The following CSDE1 variants were observed in gnomAD, a reference collection of about 807,000 sequenced individuals.
CSDE1 encodes cold shock domain-containing protein E1.
A neutral mutation model predicts 89.3 loss-of-function variants in CSDE1; 17 were observed. The ratio of observed to expected loss-of-function variants is 0.19; its 90% CI spans 0.13 to 0.29. The LOEUF is 0.29. CSDE1 is among the 10% of genes least tolerant of loss of function. CSDE1 has a pLI of 1.00. For synonymous variants in CSDE1, 322 were observed against 332.8 expected, an observed-to-expected ratio of 0.97 and a Z score of 0.35; for missense variants, 672 against 984.2, an observed-to-expected ratio of 0.68 and a Z score of 4.24.
intron 13 of CSDE1, among the ~76,000 whole-genome samples, 179 bp from the exon 14 acceptor site, chr1:114,726,565 G>C (rs1005982685): frequency 1.3e-5 from 2 of 152,120 alleles, no homozygotes; most frequent in African/African-American, 4.8e-5. Flanking sequence ...TTTTCACAAA[G>C]GATCAAACTT....
At chr1:114,754,044 ATAG>A (rs1452978902) in intron 1 of CSDE1, among the ~76,000 whole-genome samples, 1 of 152,222 alleles carries the variant, frequency 6.6e-6, no homozygotes, top group Non-Finnish European at 1.5e-5. Flanking sequence ...CAGCATGGAA[ATAG>A]TATTATTACT....
At chr1:114,723,750 G>T in intron 16 of CSDE1, 133 bp downstream of exon 16, 1 of 1,246,352 alleles carries the variant, frequency 8.0e-7, no homozygotes, top group Non-Finnish European at 1.1e-6. Flanking sequence ...AAGCAAGCAT[G>T]AGAGAGGTCA....
At chr1:114,721,553 A>C (rs1659520784) in intron 16 of CSDE1, among the ~76,000 whole-genome samples, 1 of 152,206 alleles carries the variant, frequency 6.6e-6, no homozygotes. Flanking sequence ...AGAAGCTTCT[A>C]ACCATCCTCT....
At chr1:114,719,317 C>T (rs1230479707) in intron 18 of CSDE1, among the ~76,000 whole-genome samples, 3 of 152,128 alleles carry the variant, frequency 2.0e-5, no homozygotes, top group African/African-American at 7.2e-5. Flanking sequence ...AGCAAAGCGG[C>T]ATTATGAATC....
intron 5 of CSDE1, 89 bp from the exon 6 acceptor site, chr1:114,736,944 G>T: frequency 2.1e-6 from 2 of 955,008 alleles, no homozygotes; most frequent in Non-Finnish European, 3.2e-6. Flanking sequence ...CTCTTATACT[G>T]GCATTTTAAG....
chr1:114,729,397 C>A (rs920323781), intron 12 of CSDE1, among the ~76,000 whole-genome samples: 9 of 151,454 alleles, frequency 5.9e-5, no homozygotes, highest in African/African-American at 2.2e-4. Flanking sequence ...CCGCACCTGA[C>A]AATAAGGTCT....
At chr1:114,733,400 C>T (rs894883730) in intron 9 of CSDE1, among the ~76,000 whole-genome samples, 48 of 151,916 alleles carry the variant, frequency 3.2e-4, no homozygotes, top group Non-Finnish European at 7.4e-5. Flanking sequence ...GTGGCATGCC[C>T]TTGTAGTCCC....
intron 6 of CSDE1, among the ~76,000 whole-genome samples, chr1:114,735,143 TAG>T (rs1298040289): frequency 1.3e-5 from 2 of 152,206 alleles, no homozygotes; most frequent in African/African-American, 2.4e-5. Flanking sequence ...GGAAACAAGT[TAG>T]AGACACCACA....
intron 1 of CSDE1, among the ~76,000 whole-genome samples, chr1:114,754,558 G>A (rs544116260): frequency 5.0e-4 from 76 of 152,238 alleles, no homozygotes; most frequent in Non-Finnish European, 9.4e-4. Flanking sequence ...CTTTTAGGCA[G>A]GAAAAAACAA....
intron 16 of CSDE1, among the ~76,000 whole-genome samples, chr1:114,722,504 G>C (rs187463378): frequency 1.8e-4 from 27 of 152,312 alleles, no homozygotes; most frequent in African/African-American, 5.8e-4. Context: ...CTGAATAAAA[G>C]AGCTAGTTCT....
chr1:114,754,787 TAAC>T (rs1661503180), intron 1 of CSDE1, among the ~76,000 whole-genome samples: 1 of 152,240 alleles, frequency 6.6e-6, no homozygotes, highest in Non-Finnish European at 1.5e-5. Context: ...ATCTGTGTAG[TAAC>T]AACTGTGCTG....
chr1:114,720,236 G>T (rs1190483009), intron 17 of CSDE1: 3 of 268,856 alleles, frequency 1.1e-5, no homozygotes, highest in Non-Finnish European at 1.4e-5. Flanking sequence ...TGCAAAAGAA[G>T]CTCTAAGCAA....
intron 2 of CSDE1, among the ~76,000 whole-genome samples, chr1:114,743,469 A>G (rs188002110): frequency 5.3e-5 from 8 of 152,296 alleles, no homozygotes; most frequent in East Asian, 1.9e-4. Flanking sequence ...TCCCAAAGTG[A>G]TGGGATTACA....
chr1:114,734,285 A>G (rs1006912222), intron 7 of CSDE1, among the ~76,000 whole-genome samples, 157 bp downstream of exon 7: 5 of 152,198 alleles, frequency 3.3e-5, no homozygotes, highest in Non-Finnish European at 5.9e-5. Context: ...ATAATGTATT[A>G]GCAACCAAGG....
chr1:114,730,246 T>G lies in CSDE1; in HGVS notation c.1356+12A>C. 3.1e-6 allele frequency: 5 copies of G among 1,612,350 alleles called. No individual in the cohort carries two copies. Among genetic ancestry groups the G allele is most frequent in the Non-Finnish European group, 2.5e-6 (3 of 1,179,530 alleles). ...ACAGCTACAAAAATCATTTGGATTA[T>G]GCAAAACCTACCTTCTCTTTGCCTT... On this transcript the variant is annotated intron_variant, in intron 12 of 19. Coordinates refer to ENST00000358528, the MANE Select transcript of CSDE1 (RefSeq NM_001007553.3).
intron 16 of CSDE1, 59 bp downstream of exon 16, chr1:114,723,824 A>C (rs1274606869): frequency 6.2e-7 from 1 of 1,608,378 alleles, no homozygotes; most frequent in Non-Finnish European, 8.5e-7. Flanking sequence ...TTAAAACTTT[A>C]TAGGTGCTCA....
chr1:114,747,853 G>A lies in CSDE1; in HGVS notation c.-1+1968C>T, dbSNP rs1180169883. 2.6e-5 allele frequency among the ~76,000 whole-genome samples: 4 copies of A among 151,268 alleles called. No individual in the cohort carries two copies. In the East Asian group the frequency reaches 7.8e-4, roughly 29 times the overall value. On this transcript the variant is annotated intron_variant, in intron 2 of 19. Transcript: ENST00000358528. ...AGCCTTGGCGACAGAGCAAGACTCT[G>A]TCTCAGAGAGGAAAAAAAAAAAAAT...
chr1:114,757,582 C>T (rs189149307), intron 1 of CSDE1, among the ~76,000 whole-genome samples: 13 of 152,246 alleles, frequency 8.5e-5, no homozygotes, highest in African/African-American at 1.2e-4. Flanking sequence ...ATCCCAGCAG[C>T]CTCCGCGCCC....
chr1:114,729,030 T>C (rs1659955296), intron 12 of CSDE1, among the ~76,000 whole-genome samples: 1 of 152,196 alleles, frequency 6.6e-6, no homozygotes, highest in African/African-American at 2.4e-5. Flanking sequence ...ATTGCTGCCA[T>C]TACTCTCCCA....
Sources: allele counts gnomAD v4.1 joint callset (sites outside exome capture counted in the v4.1 genomes callset), GRCh38; gene constraint gnomAD v4.1.1; transcripts MANE v1.5; gene names NCBI Gene and HGNC (gene_info 2026-07-23, HGNC 2026-07-21).